Variants in CEP126 observed in about 807,000 individuals in gnomAD.
CEP126 encodes the protein centrosomal protein 126, also known as centrosomal protein of 126 kDa.
In CEP126, 74 loss-of-function variants were observed where a neutral mutation model predicts 107.8. That is an observed-to-expected ratio of 0.69 (90% CI 0.57 to 0.83). The LOEUF (loss-of-function observed/expected upper bound fraction) is 0.83, where lower values mean the gene tolerates loss of function less well. CEP126 is among the 40% of genes least tolerant of loss of function. CEP126 has a pLI of 0.00. For missense variants in CEP126, 1,237 were observed against 1,281.9 expected, an observed-to-expected ratio of 0.96 and a Z score of 0.53; for synonymous variants, 449 against 446.0, an observed-to-expected ratio of 1.01 and a Z score of -0.08.
rs559208005 is a variant in CEP126, at chr11:101,930,848, G to A, written c.248+8088G>A. ...TTTTTCCCAAATATTTTCAATCCAG[G>A]GTTGGTTGAATCTGTAGATATGGAA... is the stretch of plus-strand genomic sequence containing the variant. On this transcript the variant is annotated intron_variant, in intron 2 of 10. Coordinates refer to ENST00000263468, the MANE Select transcript of CEP126 (RefSeq NM_020802.4). Among the ~76,000 whole-genome samples the A allele has an allele frequency of 3.9e-5, 6 of 152,222 alleles. No individual in the cohort carries two copies. In the South Asian group the frequency reaches 1.2e-3, roughly 32 times the overall value.
intron 6 of CEP126, among the ~76,000 whole-genome samples, chr11:101,964,886 A>G (rs1054095162): frequency 6.6e-6 from 1 of 152,242 alleles, no homozygotes; most frequent in African/African-American, 2.4e-5. Flanking sequence ...TTAAATTATT[A>G]TAAACAAGTG....
In CEP126 at chr11:101,962,568, T is replaced by A. The variant is rs1162870378; in HGVS notation, c.1533T>A (p.Asn511Lys). Reference sequence around the variant, plus strand: ...AAGAGATAAAATATTTTAATTGCAATAAGGAAGAGTTGCCTTTATTTTCAG... The same window carrying A: ...AAGAGATAAAATATTTTAATTGCAAAAAGGAAGAGTTGCCTTTATTTTCAG... ...KEEEIKYFNC[N>K]KEELPLFSDS... The change falls in exon 6 of 11, where the codon AAT (asparagine) becomes AAA (lysine). Residue 511 changes from asparagine to lysine, a missense_variant. Transcript: ENST00000263468. 1.2e-6 allele frequency: 2 copies of A among 1,612,986 alleles called. No individual in the cohort carries two copies. Among genetic ancestry groups the A allele is most frequent in the Non-Finnish European group, 8.5e-7 (1 of 1,179,226 alleles).
At chr11:101,958,933 A>G (rs1337210899) in intron 5 of CEP126, among the ~76,000 whole-genome samples, 1 of 152,228 alleles carries the variant, frequency 6.6e-6, no homozygotes. Context: ...CCTTCCTACC[A>G]TAAACAACTA....
chr11:101,945,866 T>C (rs1940728332), intron 3 of CEP126, among the ~76,000 whole-genome samples: 1 of 152,084 alleles, frequency 6.6e-6, no homozygotes, highest in Non-Finnish European at 1.5e-5. Flanking sequence ...TTAATGTGGG[T>C]ATATTGCTAC....
Position 101,958,340 on chromosome 11 carries a change from G to A in CEP126, c.679G>A (p.Glu227Lys), listed in dbSNP as rs142267830. The change falls in exon 5 of 11, where the codon GAA (glutamate) becomes AAA (lysine). Residue 227 changes from glutamate to lysine, a missense_variant. Around this residue, in one of 3 missense-constraint regions of CEP126, gnomAD observed 1,134 missense variants for 1,150.5 expected, o/e 0.99. Transcript: ENST00000263468. ...ACTGGAGGAAACTCAGAAACTCCTCGAAGATCAACATCTAAGCAATTTGCA... is the reference window on the plus strand; with the variant it reads ...ACTGGAGGAAACTCAGAAACTCCTCAAAGATCAACATCTAAGCAATTTGCA... ...LKLEETQKLL[E>K]DQHLSNLQKF... 27 of 1,613,674 alleles carry A rather than the reference G, an allele frequency of 1.7e-5. No homozygotes were observed. The African/African-American group carries it at 1.9e-4, about 11-fold the overall frequency.
chr11:101,969,658 C>G (rs760919120), intron 6 of CEP126, among the ~76,000 whole-genome samples: 2 of 151,902 alleles, frequency 1.3e-5, no homozygotes, highest in Admixed American at 6.6e-5. Context: ...AATGCAAAGG[C>G]AAAGAACAAA....
intron 6 of CEP126, among the ~76,000 whole-genome samples, chr11:101,967,792 G>T (rs765068418): frequency 2.6e-5 from 4 of 152,086 alleles, no homozygotes; most frequent in Non-Finnish European, 5.9e-5. Context: ...TACATCTGTG[G>T]GTAACAAAAG....
At chr11:101,924,547 C>A (rs139255419) in intron 2 of CEP126, among the ~76,000 whole-genome samples, 3,159 of 152,180 alleles carry the variant, frequency 0.021, 104 homozygotes, top group African/African-American at 0.071. Context: ...CTCACTGCAA[C>A]CTCCGCCTCC....
chr11:101,989,967 A>G (rs1034416238), intron 9 of CEP126, among the ~76,000 whole-genome samples: 3 of 151,708 alleles, frequency 2.0e-5, no homozygotes, highest in Admixed American at 6.6e-5. Context: ...CTCAAAAACA[A>G]AAAGGAAACA....
chr11:101,987,328 A>C (rs1244554298), intron 9 of CEP126, among the ~76,000 whole-genome samples: 1 of 152,216 alleles, frequency 6.6e-6, no homozygotes, highest in Non-Finnish European at 1.5e-5. Flanking sequence ...CCATCCATCA[A>C]AACAACCATA....
chr11:101,944,210 C>G, intron 2 of CEP126, 55 bp from the exon 3 acceptor site: 1 of 1,420,398 alleles, frequency 7.0e-7, no homozygotes. Context: ...CATTTTGAAA[C>G]TATTTTCTAA....
intron 10 of CEP126, among the ~76,000 whole-genome samples, chr11:101,993,088 T>C (rs1284402655): frequency 6.6e-6 from 1 of 152,228 alleles, no homozygotes; most frequent in African/African-American, 2.4e-5. Context: ...CAGGGGTACA[T>C]GTGCAGGTTT....
At chr11:101,991,356 C>A (rs113042600) in intron 9 of CEP126, among the ~76,000 whole-genome samples, 6 of 151,898 alleles carry the variant, frequency 4.0e-5, no homozygotes, top group African/African-American at 1.5e-4. Context: ...AAAATCATAT[C>A]CAGCATTCGT....
chr11:101,989,031 A>C (rs987262021), intron 9 of CEP126, among the ~76,000 whole-genome samples: 1 of 152,166 alleles, frequency 6.6e-6, no homozygotes, highest in Non-Finnish European at 1.5e-5. Flanking sequence ...CTTTGTAAGT[A>C]AACGTACAAC....
chr11:101,956,998 G>A (rs1395006543), intron 4 of CEP126: 3 of 305,182 alleles, frequency 9.8e-6, no homozygotes, highest in Non-Finnish European at 1.9e-5. Flanking sequence ...TTTTGTTTGG[G>A]AAGGGCGACT....
chr11:101,946,181 A>C (rs1015922616), intron 3 of CEP126, among the ~76,000 whole-genome samples: 4 of 151,788 alleles, frequency 2.6e-5, no homozygotes, highest in African/African-American at 9.7e-5. Flanking sequence ...CTTCTTCGCT[A>C]CTGTGCCCAG....
rs1941466822 is a variant in CEP126, at chr11:101,998,356, A to G, written c.*713A>G. The G allele has an allele frequency of 6.6e-6, 1 of 152,136 alleles. No homozygotes were observed. Among genetic ancestry groups the G allele is most frequent in the Admixed American group, 6.6e-5 (1 of 15,266 alleles). The allele number at this position is 152,136 out of a possible 1,614,324, so 9.4% of individuals were successfully genotyped here. A position where few individuals can be genotyped will look rare whatever the true frequency, so the allele number is the denominator to read the frequency against. On this transcript the variant is annotated 3_prime_UTR_variant, in exon 11 of 11. Transcript: ENST00000263468. Reference sequence around the variant, plus strand: ...ATCCCAGCACTTTGCAGGCCGAGGTAGACAGATGGCTTGAGCTCAGGAGTT... The same window carrying G: ...ATCCCAGCACTTTGCAGGCCGAGGTGGACAGATGGCTTGAGCTCAGGAGTT...
rs867558304 is a variant in CEP126 at position 101,961,758 on chromosome 11, T to C, written c.723T>C (p.Val241=). ...LSNLQKFCDE[V]NQITNSETLS... is the part of the protein sequence containing the mutation. ...TTTTCCAGAAATTTTGTGATGAAGT[T>C]AATCAGATAACCAATTCTGAAACCC... The change falls in exon 6 of 11, where the codon GTT becomes GTC. Residue 241 remains valine, a synonymous_variant. Coordinates refer to ENST00000263468, the MANE Select transcript of CEP126 (RefSeq NM_020802.4). 1.6e-5 allele frequency: 24 copies of C among 1,535,782 alleles called. No individual in the cohort carries two copies. The Middle Eastern group carries it at 3.5e-3, about 224-fold the overall frequency.
intron 9 of CEP126, among the ~76,000 whole-genome samples, chr11:101,991,797 T>C (rs1447225532): frequency 6.6e-6 from 1 of 152,130 alleles, no homozygotes; most frequent in Non-Finnish European, 1.5e-5. Context: ...GATCTAAAAA[T>C]ACATAATTTG....
Sources: allele counts gnomAD v4.1 joint callset (sites outside exome capture counted in the v4.1 genomes callset), GRCh38; gene constraint gnomAD v4.1.1; regional missense constraint gnomAD v4.1.1; transcripts MANE v1.5; gene names NCBI Gene and HGNC (gene_info 2026-07-23, HGNC 2026-07-21).